COP1: variants seen among roughly 807,000 people sequenced by gnomAD.
COP1 encodes COP1 E3 ubiquitin ligase, also known as E3 ubiquitin-protein ligase COP1.
Under a neutral mutation model 101.3 loss-of-function variants are expected in COP1, and 24 were observed. The observed-to-expected ratio is 0.24, with a 90% CI of 0.17 to 0.33. The LOEUF (loss-of-function observed/expected upper bound fraction) is 0.33, where lower values mean the gene tolerates loss of function less well. COP1 is among the 10% of genes least tolerant of loss of function. The probability of loss-of-function intolerance (pLI) is 1.00; values close to 1 mark genes in which losing one functional copy is unlikely to be tolerated. For missense variants in COP1, 663 were observed against 906.2 expected, an observed-to-expected ratio of 0.73 and a Z score of 3.45; for synonymous variants, 347 against 341.9, an observed-to-expected ratio of 1.01 and a Z score of -0.17.
chr1:176,111,160 AAAAT>A (rs934611678), intron 9 of COP1, among the ~76,000 whole-genome samples: 51 of 152,362 alleles, frequency 3.3e-4, no homozygotes, highest in African/African-American at 1.2e-3. Context: ...TCAAAAAATA[AAAAT>A]AATAATAATA....
At chr1:176,133,974 G>C (rs951526875) in intron 8 of COP1, 2 of 431,588 alleles carry the variant, frequency 4.6e-6, no homozygotes, top group Admixed American at 2.6e-5. Context: ...GAAGAAAATC[G>C]GCTGAATTAC....
intron 9 of COP1, among the ~76,000 whole-genome samples, chr1:176,101,373 T>C (rs897093553): frequency 6.6e-6 from 1 of 152,200 alleles, no homozygotes. Flanking sequence ...TGTAACCCTT[T>C]TGAATGCATC....
intron 14 of COP1, among the ~76,000 whole-genome samples, chr1:176,039,858 C>T (rs1220549329): frequency 2.0e-5 from 3 of 151,768 alleles, no homozygotes; most frequent in Non-Finnish European, 4.4e-5. Context: ...GAAATATCCA[C>T]AGATAAAAGA....
At chr1:176,153,396 T>A (rs913261395) in intron 5 of COP1, among the ~76,000 whole-genome samples, 4 of 152,214 alleles carry the variant, frequency 2.6e-5, no homozygotes, top group Admixed American at 2.0e-4. Flanking sequence ...CAAGTCTTTG[T>A]ACTGACAGAA....
At chr1:176,006,940 G>A (rs929192381) in intron 15 of COP1, among the ~76,000 whole-genome samples, 3 of 152,028 alleles carry the variant, frequency 2.0e-5, no homozygotes, top group African/African-American at 7.3e-5. Context: ...ATCCTGCAGA[G>A]TGTTTTCCAA....
rs961831815 is a variant in COP1 at position 176,042,360 on chromosome 1, G to A, written c.1612+826C>T. 2.0e-5 allele frequency among the ~76,000 whole-genome samples: 3 copies of A among 148,784 alleles called. 1 individual carries two copies. The highest frequency in any genetic ancestry group is 1.4e-4 in the Admixed American group (2 of 14,808). The stretch of plus-strand genomic sequence containing the variant: ...AGGGCAGATCACTTGAGGTCAGTTT[G>A]ATACCAGTCTGGCTAACATGGTGAA... On this transcript the variant is annotated intron_variant, in intron 14 of 19. Transcript: ENST00000367669.
chr1:176,024,363 A>G (rs1160028385), intron 15 of COP1, among the ~76,000 whole-genome samples: 9 of 152,202 alleles, frequency 5.9e-5, no homozygotes, highest in Admixed American at 2.0e-4. Flanking sequence ...GTCCCATATT[A>G]CTATAGTATG....
At chr1:176,085,741 G>C (rs373352549) in intron 10 of COP1, 35 bp downstream of exon 10, 19 of 1,216,406 alleles carry the variant, frequency 1.6e-5, no homozygotes, top group East Asian at 2.4e-5. Flanking sequence ...CTGAAATGTA[G>C]ATTTCAGATA....
chr1:176,027,899 TA>T (rs10712525), intron 14 of COP1, among the ~76,000 whole-genome samples: 140,756 of 146,496 alleles, frequency 0.96, 67,734 homozygotes, highest in East Asian at 0.99. Context: ...GGTAATTTAT[TA>T]AAAAAAAAAA....
chr1:175,997,388 A>G (rs930516356), intron 15 of COP1, among the ~76,000 whole-genome samples: 3 of 151,928 alleles, frequency 2.0e-5, no homozygotes, highest in Non-Finnish European at 2.9e-5. Flanking sequence ...AAAAGCCAAA[A>G]TTGACAAATG....
intron 11 of COP1, among the ~76,000 whole-genome samples, chr1:176,053,061 T>A (rs1000019723): frequency 6.6e-6 from 1 of 152,146 alleles, no homozygotes; most frequent in Non-Finnish European, 1.5e-5. Context: ...AAGAGTACTC[T>A]TAAATACACC....
chr1:176,165,998 T>A (rs1442578740), intron 3 of COP1, among the ~76,000 whole-genome samples: 1 of 152,246 alleles, frequency 6.6e-6, no homozygotes, highest in African/African-American at 2.4e-5. Context: ...TACATGAATA[T>A]GCCGCATTGA....
intron 11 of COP1, among the ~76,000 whole-genome samples, chr1:176,055,897 T>C (rs1673391807): frequency 6.6e-6 from 1 of 152,216 alleles, no homozygotes; most frequent in African/African-American, 2.4e-5. Flanking sequence ...GGTTGTTTAA[T>C]TAAATTGTTT....
intron 14 of COP1, among the ~76,000 whole-genome samples, chr1:176,029,935 T>C (rs759633186): frequency 3.3e-5 from 5 of 152,086 alleles, no homozygotes; most frequent in Non-Finnish European, 7.4e-5. Flanking sequence ...AATATTAAAA[T>C]AGGAATCATT....
chr1:176,179,107 T>A (rs1022705146), intron 2 of COP1, among the ~76,000 whole-genome samples: 1 of 151,876 alleles, frequency 6.6e-6, no homozygotes, highest in African/African-American at 2.4e-5. Flanking sequence ...CTGGGCAACA[T>A]GGTGAAACCC....
intron 11 of COP1, among the ~76,000 whole-genome samples, chr1:176,079,983 C>T (rs763580820): frequency 1.3e-5 from 2 of 151,560 alleles, no homozygotes; most frequent in Non-Finnish European, 2.9e-5. Flanking sequence ...CATAATGAGA[C>T]CCTGTCTCTT....
At position 176,146,501 on chromosome 1, in the gene COP1, C is replaced by T. The variant is rs576465674; in HGVS notation, c.831+2505G>A. 4.9e-4 allele frequency among the ~76,000 whole-genome samples: 74 copies of T among 152,284 alleles called. 1 individual carries two copies. The Middle Eastern group carries it at 0.027, about 56-fold the overall frequency. On this transcript the variant is annotated intron_variant, in intron 6 of 19. Coordinates refer to ENST00000367669, the MANE Select transcript of COP1 (RefSeq NM_022457.7). ...CTTCTGTCTTCAATATCCTCTCTTG[C>T]TTTCTTACTTGTTCCTTTTGAGAGG...
intron 18 of COP1, among the ~76,000 whole-genome samples, chr1:175,952,680 A>G (rs1650097377): frequency 6.6e-6 from 1 of 152,130 alleles, no homozygotes; most frequent in Non-Finnish European, 1.5e-5. Flanking sequence ...AGGCTGAGGT[A>G]GAAGGATCAT....
chr1:176,179,542 C>T (rs924121523), intron 2 of COP1, among the ~76,000 whole-genome samples: 1 of 151,834 alleles, frequency 6.6e-6, no homozygotes, highest in African/African-American at 2.4e-5. Context: ...TCAACCAGCT[C>T]AGGCAATGTG....
Sources: allele counts gnomAD v4.1 joint callset (sites outside exome capture counted in the v4.1 genomes callset), GRCh38; gene constraint gnomAD v4.1.1; transcripts MANE v1.5; gene names NCBI Gene and HGNC (gene_info 2026-07-23, HGNC 2026-07-21).